NDUFV2: variants seen among roughly 807,000 people sequenced by gnomAD.
NDUFV2 encodes NADH dehydrogenase [ubiquinone] flavoprotein 2, mitochondrial.
NDUFV2 carries 18 observed loss-of-function variants against 31.6 expected under a neutral mutation model. The observed-to-expected ratio is 0.57, with a 90% confidence interval of 0.39 to 0.84. The LOEUF (loss-of-function observed/expected upper bound fraction) is 0.84, where lower values mean the gene tolerates loss of function less well. Ranked by LOEUF, NDUFV2 falls within the 40% of genes least tolerant of loss-of-function variation. The pLI is 0.00. For missense variants in NDUFV2, 314 were observed against 303.6 expected, an observed-to-expected ratio of 1.03 and a Z score of -0.26; for synonymous variants, 83 against 99.8, an observed-to-expected ratio of 0.83 and a Z score of 1.01.
intron 3 of NDUFV2, 39 bp downstream of exon 3, chr18:9,119,427 G>A (rs1299815171): frequency 6.2e-7 from 1 of 1,602,834 alleles, no homozygotes; most frequent in Admixed American, 1.7e-5. Flanking sequence ...TTACCAAATA[G>A]GTAATATTTT....
chr18:9,119,889 G>T lies in NDUFV2; in HGVS notation c.300+299G>T, dbSNP rs149237653. 6.3e-3 allele frequency among the ~76,000 whole-genome samples: 952 copies of T among 152,020 alleles called. 10 individuals carry two copies. The highest frequency in any genetic ancestry group is 0.022 in the African/African-American group (893 of 41,470). The stretch of plus-strand genomic sequence containing the variant: ...AAAGATTCCAAATGTGTATAACTTA[G>T]TGTCAAGATATTCTGAAAATTAATG... On this transcript the variant is annotated intron_variant, in intron 4 of 7. Coordinates refer to ENST00000318388, the MANE Select transcript of NDUFV2 (RefSeq NM_021074.5).
At chr18:9,131,778 AT>A (rs943270321) in intron 7 of NDUFV2, among the ~76,000 whole-genome samples, 1 of 152,222 alleles carries the variant, frequency 6.6e-6, no homozygotes, top group African/African-American at 2.4e-5. Context: ...TACTTTTTAA[AT>A]TTTAGTGAAG....
intron 7 of NDUFV2, among the ~76,000 whole-genome samples, chr18:9,129,826 A>G (rs2143095696): frequency 6.6e-6 from 1 of 152,338 alleles, no homozygotes; most frequent in Non-Finnish European, 1.5e-5. Context: ...CTTAAATATA[A>G]TAAAAACTGT....
At position 9,102,725 on chromosome 18, in the gene NDUFV2, G is replaced by C; in HGVS notation, c.-19G>C. On this transcript the variant is annotated 5_prime_UTR_variant, in exon 1 of 8. Coordinates refer to ENST00000318388, the MANE Select transcript of NDUFV2 (RefSeq NM_021074.5). ...TTCTCGCCTGGCGCGGCTGGGGAAG[G>C]TGAACAGTGTGGCCCGCCATGTTCT... 1 of 1,581,292 alleles carries C rather than the reference G, an allele frequency of 6.3e-7. No individual in the cohort carries two copies. Among genetic ancestry groups the C allele is most frequent in the Non-Finnish European group, 8.6e-7 (1 of 1,166,382 alleles).
rs201379044 is a variant in NDUFV2, at chr18:9,122,555, G to A, written c.343G>A (p.Val115Ile). Residue 115 changes from valine to isoleucine, a missense_variant, in exon 5 of 8, where the codon GTA becomes ATA. Physicochemically the swap from Val to Ile is conservative, Grantham distance 29. Coordinates refer to ENST00000318388, the MANE Select transcript of NDUFV2 (RefSeq NM_021074.5). Reference protein sequence around the residue: ...LQVPPMRVYEVATFYTMYNRK... With the variant: ...LQVPPMRVYEIATFYTMYNRK... ...AGTACCTCCAATGAGAGTATATGAA[G>A]TAGCAACTTTTTATACAATGTATAA... 3.7e-6 allele frequency: 6 copies of A among 1,613,946 alleles called. No individual in the cohort carries two copies. The highest frequency in any genetic ancestry group is 2.2e-5 in the East Asian group (1 of 44,842).
chr18:9,117,493 A>G lies in NDUFV2; in HGVS notation c.55-345A>G, dbSNP rs2077904416. 2.2e-5 allele frequency: 6 copies of G among 272,518 alleles called. No individual in the cohort carries two copies. The South Asian group carries it at 2.3e-4, about 10-fold the overall frequency. The allele number at this position is 272,518 out of a possible 1,614,324, so 16.9% of individuals were successfully genotyped here. On this transcript the variant is annotated intron_variant, in intron 1 of 7. Coordinates refer to ENST00000318388, the MANE Select transcript of NDUFV2 (RefSeq NM_021074.5). ...CACACTAAGTGAAAGCTGGCATCCA[A>G]GTTGATTCAGACAAAAGTGAAAGTC... is the stretch of plus-strand genomic sequence containing the variant.
At chr18:9,122,763 C>T in intron 5 of NDUFV2, 82 bp downstream of exon 5, 1 of 1,399,134 alleles carries the variant, frequency 7.1e-7, no homozygotes, top group Admixed American at 1.8e-5. Context: ...CTAAAATTTC[C>T]AACTTCTGCC....
At chr18:9,105,002 TG>T in intron 1 of NDUFV2, 1 of 1,521,346 alleles carries the variant, frequency 6.6e-7, no homozygotes, top group Non-Finnish European at 8.9e-7. Flanking sequence ...TTTGGTAGCC[TG>T]CTCTTTTGTA....
chr18:9,132,856 C>CA (rs1309445437), intron 7 of NDUFV2, among the ~76,000 whole-genome samples: 2 of 152,240 alleles, frequency 1.3e-5, no homozygotes, highest in Non-Finnish European at 2.9e-5. Flanking sequence ...GCCTGGGTGA[C>CA]AAAGTGGGAC....
intron 1 of NDUFV2, chr18:9,103,523 A>G (rs768676229): frequency 1.7e-5 from 3 of 173,096 alleles, no homozygotes; most frequent in Non-Finnish European, 3.6e-5. Flanking sequence ...GATTATAACA[A>G]CAGGGCCTGT....
intron 7 of NDUFV2, among the ~76,000 whole-genome samples, chr18:9,130,866 G>A (rs1322774487): frequency 2.0e-5 from 3 of 152,278 alleles, no homozygotes; most frequent in South Asian, 2.1e-4. Flanking sequence ...GTCTATATGT[G>A]GTTCAAAACT....
chr18:9,110,097 T>G (rs993517734), intron 1 of NDUFV2, among the ~76,000 whole-genome samples: 4 of 151,772 alleles, frequency 2.6e-5, no homozygotes, highest in Middle Eastern at 3.4e-3. Context: ...AGCTAGATTC[T>G]AGAGAAAAGA....
chr18:9,102,854 T>C (rs765027102), intron 1 of NDUFV2, 57 bp downstream of exon 1: 2 of 1,517,032 alleles, frequency 1.3e-6, no homozygotes, highest in South Asian at 2.4e-5. Flanking sequence ...GCTCTCCGTG[T>C]CTCCCTTAGT....
At chr18:9,127,023 A>G in intron 7 of NDUFV2, 116 bp downstream of exon 7, 3 of 853,362 alleles carry the variant, frequency 3.5e-6, no homozygotes, top group Admixed American at 3.6e-5. Context: ...GGAGCTTTGG[A>G]TAGTATTATC....
chr18:9,117,945 A>G, intron 2 of NDUFV2, 42 bp downstream of exon 2: 1 of 1,322,490 alleles, frequency 7.6e-7, no homozygotes, highest in South Asian at 1.2e-5. Flanking sequence ...AAAGACTTGG[A>G]AATTGGGGTA....
At chr18:9,113,019 T>C (rs1025629422) in intron 1 of NDUFV2, among the ~76,000 whole-genome samples, 1 of 152,104 alleles carries the variant, frequency 6.6e-6, no homozygotes, top group Non-Finnish European at 1.5e-5. Context: ...CACTGTTATC[T>C]AATATTCCAT....
rs144503936 is a variant in NDUFV2 at position 9,119,968 on chromosome 18, A to G, written c.300+378A>G. Among the ~76,000 whole-genome samples the G allele has an allele frequency of 6.3e-3, 954 of 152,264 alleles. 10 individuals are homozygous for G. Among genetic ancestry groups the G allele is most frequent in the African/African-American group, 0.022 (895 of 41,570 alleles). On this transcript the variant is annotated intron_variant, in intron 4 of 7. Coordinates refer to ENST00000318388, the MANE Select transcript of NDUFV2 (RefSeq NM_021074.5). ...AGAAGATCTGCTCACTAGTATGAAA[A>G]TTTTTAATATTTTACATCTTTGGCT...
chr18:9,104,201 G>A (rs1214480569), intron 1 of NDUFV2: 4 of 1,611,638 alleles, frequency 2.5e-6, no homozygotes, highest in Middle Eastern at 3.3e-4. Context: ...CGGTATGTAT[G>A]AGAAGCCACC....
At chr18:9,116,752 C>T (rs750862710) in intron 1 of NDUFV2, among the ~76,000 whole-genome samples, 5 of 152,128 alleles carry the variant, frequency 3.3e-5, no homozygotes, top group African/African-American at 4.8e-5. Context: ...TATATTACTC[C>T]GTTTACTTTC....
Sources: allele counts gnomAD v4.1 joint callset (sites outside exome capture counted in the v4.1 genomes callset), GRCh38; gene constraint gnomAD v4.1.1; transcripts MANE v1.5; gene names NCBI Gene and HGNC (gene_info 2026-07-23, HGNC 2026-07-21).